The following C8orf89 variants were observed in gnomAD, a reference collection of about 807,000 sequenced individuals.
C8orf89 encodes chromosome 8 open reading frame 89, also known as putative uncharacterized protein C8orf89.
Under a neutral mutation model 15.8 loss-of-function variants are expected in C8orf89, and 14 were observed. The observed-to-expected ratio is 0.89, with a 90% CI of 0.59 to 1.39. The LOEUF (loss-of-function observed/expected upper bound fraction) is 1.39, where lower values mean the gene tolerates loss of function less well. C8orf89 is among the 40% of genes most tolerant of loss of function. C8orf89 has a pLI of 0.00. For missense variants in C8orf89, 181 were observed against 184.5 expected (o/e 0.98, Z 0.11); for synonymous variants, 55 against 62.2 (o/e 0.88, Z 0.54).
chr8:73,261,677 A>C (rs887921927), upstream of C8orf89, among the ~76,000 whole-genome samples: 1 of 152,204 alleles, frequency 6.6e-6, no homozygotes, highest in African/African-American at 2.4e-5. Context: ...ACTGCTTGAA[A>C]TGGCAGTGTT....
chr8:73,277,855 C>T, the C8orf89 span: 77 of 703,010 alleles, frequency 1.1e-4, 1 homozygote, highest in South Asian at 1.0e-3. Context: ...GCTTTGCTTT[C>T]AAAGTCCTTG....
intron 1 of C8orf89, among the ~76,000 whole-genome samples, chr8:73,257,491 G>C (rs71527206): frequency 0.052 from 7,962 of 152,272 alleles, 269 homozygotes; most frequent in South Asian, 0.081. Flanking sequence ...CTAGCACTTA[G>C]AGTATTTCCA....
chr8:73,252,090 C>A (rs1390256765), intron 2 of C8orf89, among the ~76,000 whole-genome samples: 1 of 152,130 alleles, frequency 6.6e-6, no homozygotes, highest in East Asian at 1.9e-4. Flanking sequence ...TCTAATTCTG[C>A]CTTATTTTAT....
At chr8:73,270,909 C>T in the C8orf89 span, among the ~76,000 whole-genome samples, 11 of 152,172 alleles carry the variant, frequency 7.2e-5, no homozygotes, top group Non-Finnish European at 1.6e-4. Context: ...ATTCAACTTA[C>T]AGGAAAAGTT....
At chr8:73,266,486 A>G in the C8orf89 span, among the ~76,000 whole-genome samples, 2 of 152,234 alleles carry the variant, frequency 1.3e-5, no homozygotes, top group Non-Finnish European at 2.9e-5. Context: ...GGCTGGTGCC[A>G]GGATGTCAGA....
At chr8:73,244,400 C>T (rs1343668743) in intron 3 of C8orf89, among the ~76,000 whole-genome samples, 1 of 152,068 alleles carries the variant, frequency 6.6e-6, no homozygotes, top group South Asian at 2.1e-4. Flanking sequence ...GGATTTGAAT[C>T]CAGATTCATC....
intron 1 of C8orf89, among the ~76,000 whole-genome samples, chr8:73,258,830 C>A (rs1813465032): frequency 6.6e-6 from 1 of 151,888 alleles, no homozygotes; most frequent in Admixed American, 6.6e-5. Context: ...GGGGTATCAC[C>A]ATGTTGCCCA....
At chr8:73,281,309 A>C in the C8orf89 span, among the ~76,000 whole-genome samples, 2 of 152,200 alleles carry the variant, frequency 1.3e-5, no homozygotes, top group South Asian at 4.1e-4. Context: ...TGTATTTCTT[A>C]TAATAGAAAA....
At chr8:73,253,374 C>T (rs553074264) in intron 2 of C8orf89, among the ~76,000 whole-genome samples, 3 of 152,140 alleles carry the variant, frequency 2.0e-5, no homozygotes, top group Non-Finnish European at 4.4e-5. Context: ...TAGCGTGATG[C>T]CTCCAGCTTT....
At chr8:73,247,897 T>G (rs1192519272) in intron 3 of C8orf89, among the ~76,000 whole-genome samples, 2 of 152,364 alleles carry the variant, frequency 1.3e-5, no homozygotes, top group East Asian at 3.9e-4. Context: ...GGTTGTCTGT[T>G]TACTCTGTTG....
chr8:73,269,024 A>T, the C8orf89 span, among the ~76,000 whole-genome samples: 2 of 152,192 alleles, frequency 1.3e-5, no homozygotes, highest in Non-Finnish European at 2.9e-5. Flanking sequence ...GAACTTAGCC[A>T]TGTGGTCACA....
At chr8:73,267,408 G>T in the C8orf89 span, among the ~76,000 whole-genome samples, 4 of 152,290 alleles carry the variant, frequency 2.6e-5, no homozygotes, top group South Asian at 2.1e-4. Context: ...AGGGGGAACT[G>T]CTGTACAGCA....
chr8:73,264,227 T>C (rs1220489767), upstream of C8orf89, among the ~76,000 whole-genome samples: 2 of 152,184 alleles, frequency 1.3e-5, no homozygotes, highest in Non-Finnish European at 2.9e-5. Context: ...GTTTACAGTA[T>C]GGAAGCTAAA....
Position 73,241,444 on chromosome 8 carries a change from T to C in C8orf89, c.*13A>G, listed in dbSNP as rs1461219560. On this transcript the variant is annotated 3_prime_UTR_variant, in exon 4 of 4. Coordinates refer to ENST00000624510, the MANE Select transcript of C8orf89 (RefSeq NM_001243237.3). Reference sequence around the variant, plus strand: ...AAAGTCACTGAAGAAAGCATCACACTGTACGACATTTTTCAGCGGTCTCGG... The same window carrying C: ...AAAGTCACTGAAGAAAGCATCACACCGTACGACATTTTTCAGCGGTCTCGG... 6.6e-6 allele frequency: 10 copies of C among 1,512,310 alleles called. No individual in the cohort carries two copies. Among genetic ancestry groups the C allele is most frequent in the Middle Eastern group, 1.7e-4 (1 of 5,914 alleles). 93.7% of individuals were successfully genotyped at this position (1,512,310 alleles called of 1,614,324 possible).
chr8:73,263,560 C>T (rs1311655545), upstream of C8orf89, among the ~76,000 whole-genome samples: 1 of 152,044 alleles, frequency 6.6e-6, no homozygotes, highest in African/African-American at 2.4e-5. Flanking sequence ...TTAAGATTTC[C>T]TTTTATCACC....
chr8:73,262,672 C>A (rs1401180920), upstream of C8orf89, among the ~76,000 whole-genome samples: 2 of 151,584 alleles, frequency 1.3e-5, no homozygotes, highest in Non-Finnish European at 2.9e-5. Context: ...TTTAAAACAG[C>A]CAAGCATAGT....
chr8:73,284,029 C>T, the C8orf89 span, among the ~76,000 whole-genome samples: 4 of 143,964 alleles, frequency 2.8e-5, no homozygotes, highest in African/African-American at 5.2e-5. Flanking sequence ...GCAACAAGAA[C>T]GAAACTCTGT....
At chr8:73,267,010 G>T in the C8orf89 span, among the ~76,000 whole-genome samples, 1 of 152,148 alleles carries the variant, frequency 6.6e-6, no homozygotes, top group Non-Finnish European at 1.5e-5. Context: ...ACTGACCAAA[G>T]ATAGGACTAT....
intron 2 of C8orf89, among the ~76,000 whole-genome samples, chr8:73,252,801 A>G (rs1037393925): frequency 4.6e-5 from 7 of 152,206 alleles, no homozygotes; most frequent in African/African-American, 1.7e-4. Context: ...TGCAACTCAG[A>G]ATGCTATAAG....
Sources: gnomAD v4.1 joint callset for allele counts (sites outside exome capture counted in the v4.1 genomes callset) on GRCh38, gnomAD v4.1.1 for gene constraint, MANE v1.5 for transcripts, NCBI Gene and HGNC (gene_info 2026-07-23, HGNC 2026-07-21) for gene names.